The following GRM7 variants were observed in gnomAD, a reference collection of about 807,000 sequenced individuals.
GRM7 encodes metabotropic glutamate receptor 7.
A neutral mutation model predicts 84.5 loss-of-function variants in GRM7; 35 were observed. The observed-to-expected ratio is 0.41, with a 90% CI of 0.32 to 0.55. The LOEUF is 0.55. Among genes scored for constraint, GRM7 ranks in the 20% least tolerant of loss-of-function variants. GRM7 has a pLI of 0.19. For missense variants in GRM7, 1,003 were observed against 1,194.6 expected (o/e 0.84, Z 2.36); for synonymous variants, 487 against 455.1 (o/e 1.07, Z -0.89).
At chr3:7,488,870 T>C (rs114959758) in intron 7 of GRM7, among the ~76,000 whole-genome samples, 5 of 142,566 alleles carry the variant, frequency 3.5e-5, no homozygotes, top group Non-Finnish European at 6.4e-5. Context: ...TATTTATTTA[T>C]TTATTTATTT....
At chr3:7,635,631 G>A (rs532495016) in intron 8 of GRM7, among the ~76,000 whole-genome samples, 49 of 152,166 alleles carry the variant, frequency 3.2e-4, no homozygotes, top group African/African-American at 1.2e-3. Flanking sequence ...GTCCTCTATC[G>A]AACACTTCTC....
At chr3:6,924,297 A>G (rs779842446) in intron 1 of GRM7, among the ~76,000 whole-genome samples, 7 of 152,222 alleles carry the variant, frequency 4.6e-5, no homozygotes, top group Admixed American at 2.0e-4. Flanking sequence ...AGATAGACAA[A>G]TATCTCCAAG....
In GRM7 at chr3:7,680,162, T is replaced by C. The variant is rs1277478100; in HGVS notation, c.2565T>C (p.Asn855=). The part of the protein sequence containing the change: ...VYIIIFHPEL[N]VQKRKRSFKA... Reference sequence around the variant, plus strand: ...TCATCATTTTCCACCCTGAACTCAATGTCCAGAAACGGAAGCGAAGCTTCA... The same window carrying C: ...TCATCATTTTCCACCCTGAACTCAACGTCCAGAAACGGAAGCGAAGCTTCA... Residue 855 remains asparagine, a synonymous_variant, in exon 9 of 10, where the codon AAT becomes AAC. Coordinates refer to ENST00000357716, the MANE Select transcript of GRM7 (RefSeq NM_000844.4). 1.9e-6 allele frequency: 3 copies of C among 1,614,136 alleles called. No individual in the cohort carries two copies. Among genetic ancestry groups the C allele is most frequent in the Admixed American group, 1.7e-5 (1 of 60,018 alleles).
In GRM7 at chr3:7,415,166, A is replaced by T; in HGVS notation, c.1174+3A>T. 6.2e-7 allele frequency: 1 copy of T among 1,611,874 alleles called. No individual in the cohort carries two copies. Among genetic ancestry groups the T allele is most frequent in the Non-Finnish European group, 8.5e-7 (1 of 1,178,170 alleles). ...AGACACAGATCGCAAATGCACAGGT[A>T]ATTTAATTCTCGTTGTCCTTCTCCT... On this transcript the variant is annotated splice_donor_region_variant and intron_variant, in intron 5 of 9. Coordinates refer to ENST00000357716, the MANE Select transcript of GRM7 (RefSeq NM_000844.4).
At chr3:6,981,404 C>A (rs1382637238) in intron 1 of GRM7, among the ~76,000 whole-genome samples, 1 of 152,144 alleles carries the variant, frequency 6.6e-6, no homozygotes, top group Non-Finnish European at 1.5e-5. Flanking sequence ...AGGAATCTCC[C>A]ATCCCTGCTA....
chr3:6,960,683 C>T (rs1237701586), intron 1 of GRM7, among the ~76,000 whole-genome samples: 1 of 152,170 alleles, frequency 6.6e-6, no homozygotes, highest in African/African-American at 2.4e-5. Context: ...AATTCCCAAT[C>T]TCCAATATTT....
chr3:7,079,765 T>C (rs1230003707), intron 1 of GRM7, among the ~76,000 whole-genome samples: 3 of 152,188 alleles, frequency 2.0e-5, no homozygotes, highest in East Asian at 1.9e-4. Flanking sequence ...CCCTGGATCA[T>C]AATTTCTAGA....
chr3:7,525,742 G>T (rs532946783), intron 7 of GRM7, among the ~76,000 whole-genome samples: 3 of 151,936 alleles, frequency 2.0e-5, no homozygotes, highest in East Asian at 1.9e-4. Context: ...GGTGACTAGT[G>T]GTCTCACCTT....
At chr3:7,358,034 C>T (rs1693486585) in intron 4 of GRM7, among the ~76,000 whole-genome samples, 1 of 152,094 alleles carries the variant, frequency 6.6e-6, no homozygotes, top group African/African-American at 2.4e-5. Flanking sequence ...TGCTACTTCC[C>T]TCTCATCCCC....
intron 1 of GRM7, among the ~76,000 whole-genome samples, chr3:7,087,250 C>T (rs1173908952): frequency 6.6e-6 from 1 of 152,166 alleles, no homozygotes. Flanking sequence ...CTTTGTGGAA[C>T]ACGTCACTCC....
At chr3:7,088,083 TATAC>T (rs1698525968) in intron 1 of GRM7, among the ~76,000 whole-genome samples, 1 of 152,194 alleles carries the variant, frequency 6.6e-6, no homozygotes, top group Non-Finnish European at 1.5e-5. Flanking sequence ...AGTTAACAGT[TATAC>T]CATGAAAATT....
At chr3:6,965,519 A>AT (rs1232113757) in intron 1 of GRM7, among the ~76,000 whole-genome samples, 2 of 151,660 alleles carry the variant, frequency 1.3e-5, no homozygotes, top group East Asian at 1.9e-4. Context: ...ATTTTTGTAG[A>AT]GATGGGGGTC....
chr3:7,261,773 A>T (rs1211976804), intron 2 of GRM7, among the ~76,000 whole-genome samples: 1 of 152,170 alleles, frequency 6.6e-6, no homozygotes, highest in Non-Finnish European at 1.5e-5. Context: ...GATCTCTTGC[A>T]AGGCAAGTAT....
chr3:7,236,315 T>C (rs1453856332), intron 2 of GRM7, among the ~76,000 whole-genome samples: 8 of 152,192 alleles, frequency 5.3e-5, no homozygotes, highest in Admixed American at 2.6e-4. Context: ...TCTAAATCTT[T>C]TCAGTGCTTT....
intron 2 of GRM7, among the ~76,000 whole-genome samples, chr3:7,162,736 T>A (rs1694669059): frequency 4.3e-5 from 1 of 23,390 alleles, no homozygotes; most frequent in Non-Finnish European, 8.3e-5. Context: ...TTCATTTTTT[T>A]TTTTTTTTTT....
At position 7,279,732 on chromosome 3, in the gene GRM7, C is replaced by T. The variant is rs141575801; in HGVS notation, c.737-18952C>T. Among the ~76,000 whole-genome samples the T allele has an allele frequency of 2.2e-3, 328 of 152,280 alleles. 1 individual carries two copies. The highest frequency in any genetic ancestry group is 0.012 in the South Asian group (60 of 4,822). ...GACACAGCTGAACTCTGTTTCTATG[C>T]ATTACATGCTCTTCAAGGACTCATA... On this transcript the variant is annotated intron_variant, in intron 2 of 9. Coordinates refer to ENST00000357716, the MANE Select transcript of GRM7 (RefSeq NM_000844.4).
chr3:6,957,805 A>T (rs1157555926), intron 1 of GRM7, among the ~76,000 whole-genome samples: 1 of 152,204 alleles, frequency 6.6e-6, no homozygotes, highest in Non-Finnish European at 1.5e-5. Flanking sequence ...AAAAAGAGGG[A>T]TATATTTCTG....
chr3:7,207,103 G>A (rs995809139), intron 2 of GRM7, among the ~76,000 whole-genome samples: 2 of 152,140 alleles, frequency 1.3e-5, no homozygotes, highest in Admixed American at 6.5e-5. Context: ...AACAATGTTC[G>A]CTGGGAAGCA....
chr3:6,917,822 A>G (rs139215996), intron 1 of GRM7, among the ~76,000 whole-genome samples: 23 of 152,308 alleles, frequency 1.5e-4, no homozygotes, highest in Admixed American at 2.6e-4. Flanking sequence ...GCTCATATCT[A>G]TATTTTCATA....
Sources: gnomAD v4.1 joint callset for allele counts (sites outside exome capture counted in the v4.1 genomes callset) on GRCh38, gnomAD v4.1.1 for gene constraint, MANE v1.5 for transcripts, NCBI Gene and HGNC (gene_info 2026-07-23, HGNC 2026-07-21) for gene names.